Variants in WWOX observed in about 807,000 individuals in gnomAD.
WWOX encodes WW domain-containing oxidoreductase.
A neutral mutation model predicts 46.2 loss-of-function variants in WWOX; 69 were observed. The ratio of observed to expected loss-of-function variants is 1.49; its 90% CI spans 1.23 to 1.82. The LOEUF is 1.82. WWOX is among the 40% of genes most tolerant of loss of function. The pLI, the probability that WWOX is intolerant of heterozygous loss-of-function variation, is 0.00. For missense variants in WWOX, 919 were observed against 542.6 expected (o/e 1.69, Z -6.89); for synonymous variants, 359 against 202.6 (o/e 1.77, Z -6.56).
At chr16:78,677,582 A>G (rs571608379) in intron 8 of WWOX, among the ~76,000 whole-genome samples, 10 of 152,258 alleles carry the variant, frequency 6.6e-5, no homozygotes, top group African/African-American at 2.4e-4. Context: ...GCAACCCCCA[A>G]AACTCCATGT....
At chr16:78,660,731 C>T (rs191134316) in intron 8 of WWOX, among the ~76,000 whole-genome samples, 2 of 152,264 alleles carry the variant, frequency 1.3e-5, no homozygotes, top group Admixed American at 1.3e-4. Flanking sequence ...AAAGAGGCAG[C>T]CATCATTAAA....
At chr16:78,443,028 C>T (rs1009522832) in intron 8 of WWOX, among the ~76,000 whole-genome samples, 8 of 149,964 alleles carry the variant, frequency 5.3e-5, no homozygotes, top group Non-Finnish European at 1.2e-4. Context: ...CCCAGCTACT[C>T]AGGAGGCTAA....
chr16:78,439,661 T>C lies in WWOX; in HGVS notation c.1056+6909T>C, dbSNP rs531216673. Among the ~76,000 whole-genome samples, 6 of 152,350 alleles carry C rather than the reference T, an allele frequency of 3.9e-5. No homozygotes were observed. The East Asian group carries it at 5.8e-4, about 15-fold the overall frequency. The stretch of plus-strand genomic sequence containing the variant: ...AATCATTTGACATTTCTGAGGTTAA[T>C]TTTCTACATCAGTTTAGCTGCTTTA... On this transcript the variant is annotated intron_variant, in intron 8 of 8. Transcript: ENST00000566780.
chr16:78,667,775 C>G (rs1199706592), intron 8 of WWOX, among the ~76,000 whole-genome samples: 4 of 151,800 alleles, frequency 2.6e-5, no homozygotes, highest in Admixed American at 1.3e-4. Flanking sequence ...TGAGAGCTCT[C>G]TCCTTTGTTT....
intron 5 of WWOX, among the ~76,000 whole-genome samples, chr16:78,246,588 T>C (rs2037822914): frequency 6.6e-6 from 1 of 152,220 alleles, no homozygotes; most frequent in African/African-American, 2.4e-5. Flanking sequence ...AGTTAAACCA[T>C]CTTCCATCAA....
At chr16:78,897,210 C>G (rs1047052621) in intron 8 of WWOX, 1 of 124,526 alleles carries the variant, frequency 8.0e-6, no homozygotes, top group African/African-American at 3.0e-5. Context: ...CACTGCTGCA[C>G]TCTAGCCTGG....
intron 8 of WWOX, among the ~76,000 whole-genome samples, chr16:79,104,623 G>C (rs765948767): frequency 1.3e-5 from 2 of 152,168 alleles, no homozygotes; most frequent in African/African-American, 2.4e-5. Context: ...ATGCACATAT[G>C]TATGTCACCA....
chr16:78,774,242 A>C (rs1050784320), intron 8 of WWOX, among the ~76,000 whole-genome samples: 1 of 152,132 alleles, frequency 6.6e-6, no homozygotes, highest in Non-Finnish European at 1.5e-5. Context: ...CTCTACTCAA[A>C]ATACAAAAAT....
chr16:78,798,588 T>G (rs995169864), intron 8 of WWOX, among the ~76,000 whole-genome samples: 3 of 79,348 alleles, frequency 3.8e-5, no homozygotes, highest in African/African-American at 1.0e-4. Context: ...TAGTTGTTGT[T>G]GGGTTTTTTT....
chr16:78,505,776 C>G (rs538102037), intron 8 of WWOX, among the ~76,000 whole-genome samples: 5 of 152,272 alleles, frequency 3.3e-5, no homozygotes, highest in Non-Finnish European at 7.3e-5. Flanking sequence ...GAAGAGGCAA[C>G]TAGTTCCAGC....
At chr16:79,018,454 A>G (rs763769533) in intron 8 of WWOX, among the ~76,000 whole-genome samples, 4 of 152,172 alleles carry the variant, frequency 2.6e-5, no homozygotes, top group Non-Finnish European at 5.9e-5. Flanking sequence ...CTCTGTGCCC[A>G]TCTTGGGAGA....
intron 4 of WWOX, among the ~76,000 whole-genome samples, chr16:78,133,642 C>T (rs868540423): frequency 1.3e-5 from 2 of 152,202 alleles, no homozygotes; most frequent in South Asian, 2.1e-4. Context: ...GTGATCCACC[C>T]GCCTCGGCCT....
intron 8 of WWOX, among the ~76,000 whole-genome samples, chr16:79,123,325 A>T (rs2049679159): frequency 1.3e-5 from 2 of 152,188 alleles, no homozygotes; most frequent in African/African-American, 4.8e-5. Flanking sequence ...AGGCGTGATC[A>T]GGCCCATAAA....
chr16:78,805,392 C>T (rs1290024930), intron 8 of WWOX, among the ~76,000 whole-genome samples: 1 of 151,974 alleles, frequency 6.6e-6, no homozygotes, highest in African/African-American at 2.4e-5. Context: ...TCCGGAGTAG[C>T]TGGGACTACA....
chr16:78,256,116 C>G (rs2038123079), intron 5 of WWOX, among the ~76,000 whole-genome samples: 1 of 133,910 alleles, frequency 7.5e-6, no homozygotes, highest in Non-Finnish European at 1.5e-5. Context: ...CACCATTGTA[C>G]TCCATCCTGG....
chr16:78,477,217 A>T (rs1245041775), intron 8 of WWOX, among the ~76,000 whole-genome samples: 2 of 152,156 alleles, frequency 1.3e-5, no homozygotes, highest in Non-Finnish European at 2.9e-5. Flanking sequence ...TTTCAAATTG[A>T]TTTCAAAAAT....
At chr16:78,762,610 G>A (rs1427589072) in intron 8 of WWOX, among the ~76,000 whole-genome samples, 1 of 152,306 alleles carries the variant, frequency 6.6e-6, no homozygotes, top group Non-Finnish European at 1.5e-5. Context: ...GGGGGCTCGG[G>A]GCACAGAGGA....
intron 8 of WWOX, among the ~76,000 whole-genome samples, chr16:78,587,216 T>TTTTTTTTTTTTTTTTTTG (rs2045230607): frequency 5.9e-4 from 80 of 135,044 alleles, no homozygotes; most frequent in African/African-American, 2.3e-3. Flanking sequence ...TTTTTTTTTT[T>TTTTTTTTTTTTTTTTTTG]GTAGAAACAG....
chr16:78,985,107 G>A (rs58086624), intron 8 of WWOX, among the ~76,000 whole-genome samples: 2,062 of 152,246 alleles, frequency 0.014, 53 homozygotes, highest in African/African-American at 0.047. Flanking sequence ...AACTGTTTCC[G>A]AACGGATCAG....
Sources: gnomAD v4.1 joint callset for allele counts (sites outside exome capture counted in the v4.1 genomes callset) on GRCh38, gnomAD v4.1.1 for gene constraint, MANE v1.5 for transcripts, NCBI Gene and HGNC (gene_info 2026-07-23, HGNC 2026-07-21) for gene names.